Variants in CDH2 observed in about 807,000 individuals in gnomAD.
The protein encoded by CDH2 is cadherin-2.
In CDH2, 17 loss-of-function variants were observed where a neutral mutation model predicts 92.0. The ratio of observed to expected loss-of-function variants is 0.18; its 90% CI spans 0.13 to 0.28. The LOEUF (loss-of-function observed/expected upper bound fraction) is 0.28. CDH2 is among the 10% of genes least tolerant of loss of function. The pLI is 1.00. For missense variants in CDH2, 862 were observed against 1,133.1 expected, an observed-to-expected ratio of 0.76 and a Z score of 3.44; for synonymous variants, 419 against 415.9, an observed-to-expected ratio of 1.01 and a Z score of -0.09.
At chr18:27,975,789 G>C (rs1373058690) in intron 14 of CDH2, among the ~76,000 whole-genome samples, 1 of 152,140 alleles carries the variant, frequency 6.6e-6, no homozygotes, top group Non-Finnish European at 1.5e-5. Flanking sequence ...GAAGAATGAG[G>C]TCATGTGGAC....
chr18:27,980,275 AG>A (rs1239083484), intron 14 of CDH2, among the ~76,000 whole-genome samples: 10 of 152,276 alleles, frequency 6.6e-5, no homozygotes, highest in South Asian at 2.1e-4. Context: ...CTAGTGTATG[AG>A]GGGGTAAACC....
intron 2 of CDH2, among the ~76,000 whole-genome samples, chr18:28,099,338 A>G (rs2144229097): frequency 6.6e-6 from 1 of 152,298 alleles, no homozygotes; most frequent in Non-Finnish European, 1.5e-5. Context: ...GGAGTTAAAA[A>G]GAATGCAGGT....
chr18:28,171,049 C>T (rs2016457429), intron 1 of CDH2, among the ~76,000 whole-genome samples: 1 of 151,902 alleles, frequency 6.6e-6, no homozygotes, highest in Non-Finnish European at 1.5e-5. Flanking sequence ...GCCTTGCCAA[C>T]ATGGTGAAAC....
chr18:28,150,971 G>A lies in CDH2; in HGVS notation c.61-3187C>T, dbSNP rs977913899. Among the ~76,000 whole-genome samples the A allele has an allele frequency of 4.1e-4, 63 of 152,186 alleles. 1 individual carries two copies. Reference sequence around the variant, plus strand: ...ACCAAGTTCAAAAAACAAACAGGAAGCACTCAAATGAATACAAGCTCCCAG... The same window carrying A: ...ACCAAGTTCAAAAAACAAACAGGAAACACTCAAATGAATACAAGCTCCCAG... On this transcript the variant is annotated intron_variant, in intron 1 of 15. Coordinates refer to ENST00000269141, the MANE Select transcript of CDH2 (RefSeq NM_001792.5).
intron 2 of CDH2, among the ~76,000 whole-genome samples, chr18:28,089,208 C>G (rs1363329210): frequency 6.6e-6 from 1 of 152,080 alleles, no homozygotes; most frequent in Non-Finnish European, 1.5e-5. Flanking sequence ...AATGCCAAAC[C>G]TAGATCTTTG....
chr18:28,095,589 G>A (rs1449207138), intron 2 of CDH2, among the ~76,000 whole-genome samples: 3 of 151,956 alleles, frequency 2.0e-5, no homozygotes, highest in Admixed American at 6.6e-5. Context: ...AGGCCAAGGC[G>A]GGCAGATCAC....
intron 2 of CDH2, among the ~76,000 whole-genome samples, chr18:28,126,233 A>C (rs1044379491): frequency 2.0e-5 from 3 of 152,222 alleles, no homozygotes; most frequent in Admixed American, 2.0e-4. Flanking sequence ...AAATAGATAT[A>C]TGGAATAACA....
At position 28,177,104 on chromosome 18, in the gene CDH2, G is replaced by T; in HGVS notation, c.-82C>A. 9.4e-7 allele frequency: 1 copy of T among 1,064,606 alleles called. No homozygotes were observed. The highest frequency in any genetic ancestry group is 1.3e-6 in the Non-Finnish European group (1 of 752,956). The allele number at this position is 1,064,606 out of a possible 1,614,324, so 65.9% of individuals were successfully genotyped here. A position where few individuals can be genotyped will look rare whatever the true frequency, so the allele number is the denominator to read the frequency against. On this transcript the variant is annotated 5_prime_UTR_variant, in exon 1 of 16. The change creates a new upstream start codon in the 5' untranslated region. Transcript: ENST00000269141. ...GGCGGAGGAGGAGGAGGCAGCGGCA[G>T]CACCAACAGCGGCGCGGAGAAACGG...
intron 2 of CDH2, among the ~76,000 whole-genome samples, chr18:28,094,955 T>G (rs1567996340): frequency 6.6e-6 from 1 of 152,218 alleles, no homozygotes; most frequent in Non-Finnish European, 1.5e-5. Flanking sequence ...GTTAAAGAAT[T>G]TATAACATGT....
At chr18:28,165,325 G>GGT (rs1246883093) in intron 1 of CDH2, among the ~76,000 whole-genome samples, 2 of 152,084 alleles carry the variant, frequency 1.3e-5, no homozygotes, top group African/African-American at 2.4e-5. Flanking sequence ...TGGGACTATA[G>GGT]GTGTGTGCTC....
chr18:28,165,640 C>T (rs1307980398), intron 1 of CDH2, among the ~76,000 whole-genome samples: 3 of 151,976 alleles, frequency 2.0e-5, no homozygotes, highest in African/African-American at 4.8e-5. Flanking sequence ...AATGTGTTGT[C>T]CAAGTCCACA....
At position 27,951,497 on chromosome 18, in the gene CDH2, T is replaced by C. The variant is rs1656439454; in HGVS notation, c.*656A>G. 1 of 152,574 alleles carries C rather than the reference T, an allele frequency of 6.6e-6. No individual in the cohort carries two copies. Among genetic ancestry groups the C allele is most frequent in the South Asian group, 2.1e-4 (1 of 4,834 alleles). 9.5% of individuals were successfully genotyped at this position (152,574 alleles called of 1,614,324 possible). On this transcript the variant is annotated 3_prime_UTR_variant, in exon 16 of 16. Coordinates refer to ENST00000269141, the MANE Select transcript of CDH2 (RefSeq NM_001792.5). ...GGAAAAATACAGAAATAAAAAAGTG[T>C]ACATGGATTAAGACCAAAATGTGTC...
intron 6 of CDH2, among the ~76,000 whole-genome samples, chr18:27,940,582 C>A (rs996907444): frequency 1.3e-5 from 2 of 152,072 alleles, no homozygotes; most frequent in Non-Finnish European, 2.9e-5. Context: ...ATGTTTTTTC[C>A]ACCCTGAGAC....
At chr18:27,933,163 A>G (rs1908942463) in intron 6 of CDH2, among the ~76,000 whole-genome samples, 2 of 152,278 alleles carry the variant, frequency 1.3e-5, no homozygotes, top group South Asian at 4.1e-4. Context: ...CTCAAGTCTT[A>G]TCTCTTTTTT....
intron 2 of CDH2, among the ~76,000 whole-genome samples, chr18:28,067,603 T>A (rs1328969109): frequency 6.6e-6 from 1 of 152,202 alleles, no homozygotes; most frequent in African/African-American, 2.4e-5. Context: ...ATTAGATGGA[T>A]ATACTGCATT....
chr18:28,005,810 T>C, intron 6 of CDH2, 39 bp downstream of exon 6: 3 of 1,545,056 alleles, frequency 1.9e-6, no homozygotes, highest in Non-Finnish European at 2.7e-6. Context: ...ACACCATACT[T>C]TCCTCAAGTC....
At position 27,932,919 on chromosome 18, in the gene CDH2, T is replaced by C. The variant is rs373965242; in HGVS notation, c.*173A>G. ...TTTATTTTAGAGATAAATAATACTATGCTGCAATATTGCTGAAAATGCAAG... is the reference window on the plus strand; with the variant it reads ...TTTATTTTAGAGATAAATAATACTACGCTGCAATATTGCTGAAAATGCAAG... On this transcript the variant is annotated 3_prime_UTR_variant, in exon 7 of 7. Coordinates refer to the CDH2 transcript ENST00000675173. 3.6e-3 allele frequency among the ~76,000 whole-genome samples: 555 copies of C among 152,310 alleles called. 4 individuals carry two copies. Among genetic ancestry groups the C allele is most frequent in the African/African-American group, 0.012 (516 of 41,568 alleles).
intron 6 of CDH2, among the ~76,000 whole-genome samples, chr18:27,940,827 A>G (rs1909118245): frequency 1.3e-5 from 2 of 152,228 alleles, no homozygotes; most frequent in Admixed American, 6.5e-5. Flanking sequence ...TTAAGAAGTC[A>G]TAATTACAAT....
intron 2 of CDH2, among the ~76,000 whole-genome samples, chr18:28,062,259 A>T (rs1309332636): frequency 2.6e-5 from 4 of 152,222 alleles, no homozygotes; most frequent in Admixed American, 1.3e-4. Flanking sequence ...TTATTTCAAA[A>T]GAAAGAGAAT....
Sources: allele counts gnomAD v4.1 joint callset (sites outside exome capture counted in the v4.1 genomes callset), GRCh38; gene constraint gnomAD v4.1.1; transcripts MANE v1.5; gene names NCBI Gene and HGNC (gene_info 2026-07-23, HGNC 2026-07-21).